ZCCHC17: variants seen among roughly 807,000 people sequenced by gnomAD.
ZCCHC17 encodes the protein zinc finger CCHC domain-containing protein 17.
A neutral mutation model predicts 30.6 loss-of-function variants in ZCCHC17; 18 were observed. The ratio of observed to expected loss-of-function variants is 0.59; its 90% confidence interval spans 0.41 to 0.87. The LOEUF (loss-of-function observed/expected upper bound fraction) is 0.87. Among genes scored for constraint, ZCCHC17 ranks in the 40% least tolerant of loss-of-function variants. The pLI is 0.00. For missense variants in ZCCHC17, 263 were observed against 284.2 expected, an observed-to-expected ratio of 0.93 and a Z score of 0.54; for synonymous variants, 88 against 92.4, an observed-to-expected ratio of 0.95 and a Z score of 0.27.
intron 7 of ZCCHC17, among the ~76,000 whole-genome samples, chr1:31,353,210 A>G (rs1211022697): frequency 6.6e-6 from 1 of 152,140 alleles, no homozygotes; most frequent in Non-Finnish European, 1.5e-5. Flanking sequence ...CCTATTTTGC[A>G]TAAGCTTGTT....
chr1:31,342,557 G>T (rs1043169926), intron 5 of ZCCHC17, among the ~76,000 whole-genome samples: 1 of 152,106 alleles, frequency 6.6e-6, no homozygotes, highest in Non-Finnish European at 1.5e-5. Flanking sequence ...TCTCATAGGG[G>T]GTGCGCAACC....
At chr1:31,320,396 G>A (rs1646833800) in intron 3 of ZCCHC17, among the ~76,000 whole-genome samples, 1 of 152,050 alleles carries the variant, frequency 6.6e-6, no homozygotes, top group African/African-American at 2.4e-5. Flanking sequence ...TCAGAGTTTT[G>A]TGACCATCAC....
intron 2 of ZCCHC17, among the ~76,000 whole-genome samples, chr1:31,316,603 C>T: frequency 6.6e-6 from 1 of 152,160 alleles, no homozygotes; most frequent in East Asian, 1.9e-4. Flanking sequence ...TTACAAAGAA[C>T]AAATTGCTTT....
chr1:31,339,173 C>G (rs1235167780), intron 5 of ZCCHC17, 125 bp downstream of exon 5: 7 of 699,820 alleles, frequency 1.0e-5, no homozygotes, highest in Non-Finnish European at 1.6e-5. Flanking sequence ...AGTTACGTAA[C>G]CTTTGCAATC....
intron 2 of ZCCHC17, among the ~76,000 whole-genome samples, chr1:31,315,083 A>G (rs1646699925): frequency 6.6e-6 from 1 of 152,126 alleles, no homozygotes; most frequent in Non-Finnish European, 1.5e-5. Flanking sequence ...GTCTTGTATT[A>G]TTATTACTTG....
chr1:31,300,830 G>T lies in ZCCHC17; in HGVS notation c.-56+3755G>T, dbSNP rs189295329. 2.0e-5 allele frequency among the ~76,000 whole-genome samples: 3 copies of T among 152,136 alleles called. No individual in the cohort carries two copies. In the East Asian group the frequency reaches 5.8e-4, roughly 29 times the overall value. The stretch of plus-strand genomic sequence containing the variant: ...GTGTGCCTGTAATCCCAGCTACTCG[G>T]GAGGCTGAGGCAGGAGAATCGCTTG... On this transcript the variant is annotated intron_variant, in intron 1 of 7. Coordinates refer to ENST00000344147, the MANE Select transcript of ZCCHC17 (RefSeq NM_016505.4).
intron 1 of ZCCHC17, among the ~76,000 whole-genome samples, chr1:31,308,021 C>T (rs1646509127): frequency 6.6e-6 from 1 of 152,168 alleles, no homozygotes; most frequent in Non-Finnish European, 1.5e-5. Context: ...CCTGATAGAA[C>T]CTGATAGATT....
chr1:31,303,818 A>T (rs1646378630), intron 1 of ZCCHC17, among the ~76,000 whole-genome samples: 1 of 152,224 alleles, frequency 6.6e-6, no homozygotes, highest in Non-Finnish European at 1.5e-5. Context: ...TACCAACATT[A>T]TGAAATTAAC....
chr1:31,306,834 A>AT (rs967390504), intron 1 of ZCCHC17, among the ~76,000 whole-genome samples: 40 of 151,610 alleles, frequency 2.6e-4, no homozygotes, highest in African/African-American at 5.8e-4. Flanking sequence ...CACCTGGCTG[A>AT]TTTTTTTTCT....
chr1:31,333,159 C>T (rs1323912808), intron 3 of ZCCHC17: 1 of 152,008 alleles, frequency 6.6e-6, no homozygotes, highest in Non-Finnish European at 1.5e-5. Flanking sequence ...CTAGACTGGT[C>T]ATGTTTATCC....
At chr1:31,360,100 C>T (rs1245164536) in intron 7 of ZCCHC17, among the ~76,000 whole-genome samples, 2 of 152,308 alleles carry the variant, frequency 1.3e-5, no homozygotes, top group Middle Eastern at 3.4e-3. Context: ...CTGCCTCAGC[C>T]TCCCGAGTAG....
chr1:31,307,412 CTT>C (rs1183496022), intron 1 of ZCCHC17, among the ~76,000 whole-genome samples: 22 of 141,568 alleles, frequency 1.6e-4, no homozygotes, highest in Non-Finnish European at 1.4e-4. Context: ...CTGCTTTAGA[CTT>C]TTTTTTTTTT....
chr1:31,300,454 T>C (rs553933726), intron 1 of ZCCHC17, among the ~76,000 whole-genome samples: 1 of 152,318 alleles, frequency 6.6e-6, no homozygotes, highest in South Asian at 2.1e-4. Context: ...CAAAGTCTGT[T>C]ATTGCAATAC....
chr1:31,297,523 A>G (rs1276302713), intron 1 of ZCCHC17, among the ~76,000 whole-genome samples: 1 of 152,182 alleles, frequency 6.6e-6, no homozygotes, highest in Non-Finnish European at 1.5e-5. Flanking sequence ...GAGAAATTTG[A>G]GACTCATGCC....
At chr1:31,334,329 CTCTCTCTCTGTG>C (rs1557443819) in intron 3 of ZCCHC17, among the ~76,000 whole-genome samples, 6 of 61,250 alleles carry the variant, frequency 9.8e-5, no homozygotes. Context: ...CTCTCTCTCT[CTCTCTCTCTGTG>C]TGTGTGTGTG....
At chr1:31,311,728 C>G (rs1198318308) in intron 2 of ZCCHC17, among the ~76,000 whole-genome samples, 1 of 152,230 alleles carries the variant, frequency 6.6e-6, no homozygotes, top group African/African-American at 2.4e-5. Flanking sequence ...CATGAGGGGC[C>G]TAAGGGCCCC....
chr1:31,361,926 C>T (rs971237142), intron 7 of ZCCHC17, among the ~76,000 whole-genome samples: 1 of 152,140 alleles, frequency 6.6e-6, no homozygotes, highest in East Asian at 1.9e-4. Context: ...ATCCTCCCAC[C>T]TCAGCTTCCT....
At chr1:31,297,304 A>G (rs1425766142) in intron 1 of ZCCHC17, 4 of 397,004 alleles carry the variant, frequency 1.0e-5, no homozygotes, top group East Asian at 7.1e-5. Flanking sequence ...CCCTTCTTCA[A>G]GAGCGCCCAT....
intron 1 of ZCCHC17, among the ~76,000 whole-genome samples, chr1:31,299,476 C>G (rs1469963556): frequency 2.0e-5 from 3 of 152,160 alleles, no homozygotes; most frequent in Non-Finnish European, 4.4e-5. Context: ...AACTAAAAAC[C>G]ATTTTCTTGA....
Sources: gnomAD v4.1 joint callset for allele counts (sites outside exome capture counted in the v4.1 genomes callset) on GRCh38, gnomAD v4.1.1 for gene constraint, MANE v1.5 for transcripts, NCBI Gene and HGNC (gene_info 2026-07-23, HGNC 2026-07-21) for gene names.